PIK3R1: variants seen among roughly 807,000 people sequenced by gnomAD.
PIK3R1 encodes phosphoinositide-3-kinase regulatory subunit 1, also known as phosphatidylinositol 3-kinase regulatory subunit alpha.
PIK3R1 carries 29 observed loss-of-function variants against 98.0 expected under a neutral mutation model. The ratio of observed to expected loss-of-function variants is 0.30; its 90% CI spans 0.22 to 0.40. PIK3R1 has a LOEUF of 0.40. PIK3R1 is among the 10% of genes least tolerant of loss of function. PIK3R1 has a pLI of 1.00. For missense variants in PIK3R1, 596 were observed against 872.7 expected, an observed-to-expected ratio of 0.68 and a Z score of 3.99; for synonymous variants, 282 against 311.8, an observed-to-expected ratio of 0.90 and a Z score of 1.01.
intron 4 of PIK3R1, among the ~76,000 whole-genome samples, chr5:68,276,494 C>T (rs1010585034): frequency 1.3e-5 from 2 of 152,066 alleles, no homozygotes; most frequent in African/African-American, 4.8e-5. Flanking sequence ...TTACTGGGTA[C>T]CTGTCATGAG....
In PIK3R1 at chr5:68,300,621, AATGTATAT is replaced by A. The variant is rs1747987219; in HGVS notation, c.*3029_*3036del. 1 of 233,160 alleles carries A rather than the reference AATGTATAT, an allele frequency of 4.3e-6. No individual in the cohort carries two copies. The highest frequency in any genetic ancestry group is 6.0e-5 in the East Asian group (1 of 16,596). 14.4% of individuals were successfully genotyped at this position (233,160 alleles called of 1,614,324 possible). A position where few individuals can be genotyped will look rare whatever the true frequency, so the allele number is the denominator to read the frequency against. On this transcript the variant is annotated 3_prime_UTR_variant, in exon 16 of 16. Coordinates refer to ENST00000521381, the MANE Select transcript of PIK3R1 (RefSeq NM_181523.3). ...TCTGATAACTTCATGGCCTTTGATAAATGTATATATGTATATGTGCATGGACTGTGTTT... is the reference window on the plus strand; with the variant it reads ...TCTGATAACTTCATGGCCTTTGATAAATGTATATGTGCATGGACTGTGTTT...
At chr5:68,246,431 G>GC (rs1030861230) in intron 2 of PIK3R1, among the ~76,000 whole-genome samples, 1 of 151,380 alleles carries the variant, frequency 6.6e-6, no homozygotes. Context: ...TCCTGCCTTA[G>GC]CCCCCCAGGT....
chr5:68,294,471 G>T, intron 11 of PIK3R1, 65 bp from the exon 12 acceptor site: 1 of 1,204,616 alleles, frequency 8.3e-7, no homozygotes, highest in Admixed American at 2.2e-5. Context: ...TGTCCTGGTA[G>T]TGTCTTGCAG....
intron 2 of PIK3R1, among the ~76,000 whole-genome samples, chr5:68,249,528 T>C (rs1271221833): frequency 6.6e-6 from 1 of 152,202 alleles, no homozygotes; most frequent in African/African-American, 2.4e-5. Context: ...GTATTTAAAT[T>C]GTTTCTTTTT....
intron 8 of PIK3R1, chr5:68,292,623 A>G: frequency 7.0e-7 from 1 of 1,428,994 alleles, no homozygotes; most frequent in East Asian, 3.0e-5. Context: ...GCCTAAGAAC[A>G]GAGTGTGAAG....
At chr5:68,273,897 T>C in intron 3 of PIK3R1, 42 bp from the exon 4 acceptor site, 2 of 1,464,572 alleles carry the variant, frequency 1.4e-6, no homozygotes, top group Non-Finnish European at 1.9e-6. Context: ...TCCAGAGAGC[T>C]GTGTTTTGCA....
intron 7 of PIK3R1, among the ~76,000 whole-genome samples, chr5:68,287,606 A>G (rs1302946019): frequency 3.9e-5 from 6 of 152,240 alleles, no homozygotes; most frequent in Admixed American, 3.9e-4. Flanking sequence ...AATAGTAGTC[A>G]GTAATCCCAA....
intron 2 of PIK3R1, among the ~76,000 whole-genome samples, chr5:68,264,282 G>C (rs760691609): frequency 3.9e-5 from 6 of 152,172 alleles, no homozygotes; most frequent in Non-Finnish European, 8.8e-5. Context: ...ACTAAGGGTT[G>C]CAACTGTCGC....
intron 2 of PIK3R1, among the ~76,000 whole-genome samples, chr5:68,254,069 A>G (rs1745423715): frequency 6.6e-6 from 1 of 151,404 alleles, no homozygotes; most frequent in Admixed American, 6.6e-5. Flanking sequence ...AAATGCAGCA[A>G]GTAAATGTGA....
intron 7 of PIK3R1, among the ~76,000 whole-genome samples, chr5:68,282,091 A>G (rs1413346647): frequency 6.6e-6 from 1 of 152,208 alleles, no homozygotes; most frequent in East Asian, 1.9e-4. Flanking sequence ...TATCCGGTAT[A>G]GTAGATAAGG....
At chr5:68,221,359 T>C (rs1744085637) in intron 1 of PIK3R1, among the ~76,000 whole-genome samples, 1 of 152,156 alleles carries the variant, frequency 6.6e-6, no homozygotes. Context: ...ACTGTATGAA[T>C]TTAGGTGAGG....
intron 14 of PIK3R1, 146 bp from the exon 15 acceptor site, chr5:68,296,025 G>T (rs1472071683): frequency 1.2e-5 from 8 of 677,978 alleles, no homozygotes; most frequent in Non-Finnish European, 2.0e-5. Context: ...AACTCAGGTC[G>T]GGCAGAGGCA....
In PIK3R1 at chr5:68,254,001, G is replaced by A. The variant is rs372048566; in HGVS notation, c.335-19389G>A. On this transcript the variant is annotated intron_variant, in intron 2 of 15. Coordinates refer to ENST00000521381, the MANE Select transcript of PIK3R1 (RefSeq NM_181523.3). The stretch of plus-strand genomic sequence containing the variant: ...GGACCCCCTTTTTTTTTTTTTTTTT[G>A]TATTTTATAACCTTTCCAGAATCTT... Among the ~76,000 whole-genome samples the A allele has an allele frequency of 3.4e-4, 18 of 53,400 alleles. No individual in the cohort carries two copies. In the South Asian group the frequency reaches 9.8e-3, roughly 29 times the overall value. 35.0% of individuals were successfully genotyped at this position (53,400 alleles called of 152,430 possible). A position where few individuals can be genotyped will look rare whatever the true frequency, so the allele number is the denominator to read the frequency against.
At chr5:68,244,317 G>A (rs1015004245) in intron 2 of PIK3R1, among the ~76,000 whole-genome samples, 1 of 152,122 alleles carries the variant, frequency 6.6e-6, no homozygotes, top group Non-Finnish European at 1.5e-5. Context: ...CAAAAAGCAT[G>A]TGTTGAAAGT....
At chr5:68,242,793 G>A (rs937388658) in intron 2 of PIK3R1, among the ~76,000 whole-genome samples, 1 of 152,194 alleles carries the variant, frequency 6.6e-6, no homozygotes, top group Non-Finnish European at 1.5e-5. Flanking sequence ...GGCCCTCAGT[G>A]TCTGGGTAAG....
chr5:68,242,148 T>G (rs1473940533), intron 2 of PIK3R1, among the ~76,000 whole-genome samples: 1 of 152,234 alleles, frequency 6.6e-6, no homozygotes, highest in Non-Finnish European at 1.5e-5. Context: ...TAGTGTTAGT[T>G]TGAGAATATG....
At chr5:68,261,881 G>C (rs1424025342) in intron 2 of PIK3R1, among the ~76,000 whole-genome samples, 1 of 152,182 alleles carries the variant, frequency 6.6e-6, no homozygotes, top group African/African-American at 2.4e-5. Context: ...CCGTGGTTCA[G>C]ACCCTATCCC....
At chr5:68,288,526 G>A in intron 7 of PIK3R1, 1 of 1,363,348 alleles carries the variant, frequency 7.3e-7, no homozygotes, top group Non-Finnish European at 9.4e-7. Flanking sequence ...GCCGAGCCGA[G>A]CCAAGCGGAG....
chr5:68,292,798 G>T, intron 8 of PIK3R1: 1 of 1,234,122 alleles, frequency 8.1e-7, no homozygotes, highest in Non-Finnish European at 1.0e-6. Flanking sequence ...ATGTTTGGTT[G>T]AAAAAATAAA....
Sources: allele counts gnomAD v4.1 joint callset (sites outside exome capture counted in the v4.1 genomes callset), GRCh38; gene constraint gnomAD v4.1.1; transcripts MANE v1.5; gene names NCBI Gene and HGNC (gene_info 2026-07-23, HGNC 2026-07-21).